RELN: variants seen among roughly 807,000 people sequenced by gnomAD.
The protein encoded by RELN is reelin.
A neutral mutation model predicts 427.6 loss-of-function variants in RELN; 108 were observed. The observed-to-expected ratio is 0.25, with a 90% CI of 0.22 to 0.30. The LOEUF (loss-of-function observed/expected upper bound fraction) is 0.30. RELN is among the 10% of genes least tolerant of loss of function. The probability of loss-of-function intolerance (pLI) is 1.00; values close to 1 mark genes in which losing one functional copy is unlikely to be tolerated. For synonymous variants in RELN, 1,524 were observed against 1,513.4 expected (o/e 1.01, Z -0.16); for missense variants, 3,715 against 4,302.8 (o/e 0.86, Z 3.82).
chr7:103,512,501 T>C (rs1584252800), intron 50 of RELN, among the ~76,000 whole-genome samples: 2 of 152,226 alleles, frequency 1.3e-5, no homozygotes, highest in African/African-American at 2.4e-5. Flanking sequence ...TGAGGAAATG[T>C]ACTCATCAAG....
chr7:103,809,960 A>G (rs183194706), intron 3 of RELN, among the ~76,000 whole-genome samples: 10 of 152,272 alleles, frequency 6.6e-5, no homozygotes, highest in Non-Finnish European at 1.5e-4. Flanking sequence ...CTAAAACTCA[A>G]GTTTTCTCTT....
chr7:103,936,494 C>T (rs1472651702), intron 1 of RELN, among the ~76,000 whole-genome samples: 3 of 152,000 alleles, frequency 2.0e-5, no homozygotes, highest in Non-Finnish European at 1.5e-5. Context: ...GACTCTTCTT[C>T]CTCATTCATA....
chr7:103,760,786 T>A (rs1231827346), intron 4 of RELN, among the ~76,000 whole-genome samples: 3 of 152,164 alleles, frequency 2.0e-5, no homozygotes, highest in Non-Finnish European at 4.4e-5. Context: ...TTCACCTAAT[T>A]TGAAATTCAA....
intron 27 of RELN, 42 bp from the exon 28 acceptor site, chr7:103,589,870 T>A (rs1309540616): frequency 1.6e-6 from 2 of 1,288,104 alleles, no homozygotes; most frequent in Non-Finnish European, 2.3e-6. Flanking sequence ...ATTTTGGTTC[T>A]AAGTCATCAC....
rs113221683 is a variant in RELN, at chr7:103,836,326, T to C, written c.338-2654A>G. Among the ~76,000 whole-genome samples, 1,285 of 152,314 alleles carry C rather than the reference T, an allele frequency of 8.4e-3. 16 individuals carry two copies. The highest frequency in any genetic ancestry group is 0.029 in the African/African-American group (1,194 of 41,562). On this transcript the variant is annotated intron_variant, in intron 2 of 64. Transcript: ENST00000428762. ...TGCTAGCCACAGCAATTATTTAAAT[T>C]TAAATTAATTAAAATTTGATACAAT... is the stretch of plus-strand genomic sequence containing the variant.
chr7:103,535,860 ATAT>A (rs1320254325), intron 45 of RELN, among the ~76,000 whole-genome samples: 3 of 152,074 alleles, frequency 2.0e-5, no homozygotes, highest in African/African-American at 7.2e-5. Context: ...TTGTAATTTA[ATAT>A]TATAGTGATA....
At chr7:103,761,945 AAAGAGGAAGAAGG>A (rs1414032277) in intron 4 of RELN, among the ~76,000 whole-genome samples, 2 of 152,216 alleles carry the variant, frequency 1.3e-5, no homozygotes, top group Admixed American at 1.3e-4. Context: ...ACTAGGCTCA[AAAGAGGAAGAAGG>A]AAGAGGAAGA....
intron 8 of RELN, among the ~76,000 whole-genome samples, chr7:103,717,466 T>C (rs1400206633): frequency 2.0e-5 from 3 of 148,312 alleles, no homozygotes; most frequent in African/African-American, 7.6e-5. Context: ...CATAGAGGTA[T>C]TCCATATATA....
chr7:103,553,394 C>T (rs770769880), intron 40 of RELN, 67 bp downstream of exon 40: 48 of 1,177,776 alleles, frequency 4.1e-5, no homozygotes, highest in Non-Finnish European at 5.4e-5. Context: ...CTGAGATTTT[C>T]CTCCCCTTTC....
chr7:103,657,930 T>A (rs1833055874), intron 12 of RELN, among the ~76,000 whole-genome samples: 2 of 152,120 alleles, frequency 1.3e-5, no homozygotes, highest in Admixed American at 1.3e-4. Context: ...AAGTCATTTT[T>A]AAAGAATAAT....
intron 6 of RELN, among the ~76,000 whole-genome samples, chr7:103,731,041 TAAAC>T (rs1276666584): frequency 1.3e-5 from 2 of 152,090 alleles, no homozygotes; most frequent in African/African-American, 4.8e-5. Flanking sequence ...GGCAGAGAAG[TAAAC>T]AAACAGTTAC....
chr7:103,827,747 G>A (rs1793178185), intron 3 of RELN, among the ~76,000 whole-genome samples: 1 of 151,812 alleles, frequency 6.6e-6, no homozygotes, highest in South Asian at 2.1e-4. Flanking sequence ...GTATATTTTT[G>A]AGCAGCACTG....
chr7:103,738,071 T>C (rs1790539159), intron 6 of RELN, among the ~76,000 whole-genome samples: 1 of 150,590 alleles, frequency 6.6e-6, no homozygotes, highest in South Asian at 2.1e-4. Flanking sequence ...GCTATTATTA[T>C]TGTTCTATCA....
Position 103,603,280 on chromosome 7 carries a change from A to T in RELN, c.3333+24T>A, listed in dbSNP as rs1204692796. ...TATTAAACTAGCCATTGCCCCGATG[A>T]CTTATCCCAGCTGTTGGTCATACCT... On this transcript the variant is annotated intron_variant, in intron 24 of 64. Coordinates refer to ENST00000428762, the MANE Select transcript of RELN (RefSeq NM_005045.4). This position sits in a 1 kb window ranked among gnomAD's most constrained non-coding sequence, Gnocchi z 4.3. 3.1e-6 allele frequency: 5 copies of T among 1,593,294 alleles called. No individual in the cohort carries two copies. In the East Asian group the frequency reaches 1.1e-4, roughly 36 times the overall value.
chr7:103,680,661 G>T (rs116735718), intron 11 of RELN, among the ~76,000 whole-genome samples: 1 of 151,870 alleles, frequency 6.6e-6, no homozygotes. Flanking sequence ...TCTTAGAAGA[G>T]CTAGAAGGGA....
intron 41 of RELN, among the ~76,000 whole-genome samples, chr7:103,550,607 T>G (rs377213242): frequency 8.5e-4 from 128 of 150,606 alleles, no homozygotes; most frequent in African/African-American, 3.0e-3. Context: ...GGGGGCAACG[T>G]GCTAACTTTT....
chr7:103,636,198 CT>C, intron 18 of RELN, 36 bp downstream of exon 18: 5 of 1,327,222 alleles, frequency 3.8e-6, no homozygotes, highest in Middle Eastern at 1.8e-4. Flanking sequence ...ACATTAGTAT[CT>C]GGTTTTTGTA....
chr7:103,586,283 A>G (rs993847950), intron 28 of RELN, among the ~76,000 whole-genome samples: 23 of 152,126 alleles, frequency 1.5e-4, no homozygotes, highest in African/African-American at 5.3e-4. Flanking sequence ...GAATTGCTTG[A>G]ACCTGGGAGG....
chr7:103,631,903 T>A (rs1042915049), intron 19 of RELN, among the ~76,000 whole-genome samples: 6 of 152,130 alleles, frequency 3.9e-5, no homozygotes, highest in Admixed American at 3.9e-4. Flanking sequence ...AGTTATAATT[T>A]TTCTTCATAT....
Sources: allele counts gnomAD v4.1 joint callset (sites outside exome capture counted in the v4.1 genomes callset), GRCh38; gene constraint gnomAD v4.1.1; non-coding constraint Gnocchi (gnomAD v3.1); transcripts MANE v1.5; gene names NCBI Gene and HGNC (gene_info 2026-07-23, HGNC 2026-07-21).